SERPINI1: variants seen among roughly 807,000 people sequenced by gnomAD.
The protein encoded by SERPINI1 is serpin family I member 1.
Under a neutral mutation model 41.1 loss-of-function variants are expected in SERPINI1, and 19 were observed. That is an observed-to-expected ratio of 0.46 (90% CI 0.32 to 0.68). The LOEUF (loss-of-function observed/expected upper bound fraction) is 0.68. SERPINI1 is among the 30% of genes least tolerant of loss of function. The pLI is 0.03. For missense variants in SERPINI1, 460 were observed against 479.2 expected (o/e 0.96, Z 0.37); for synonymous variants, 138 against 156.6 (o/e 0.88, Z 0.89).
At chr3:167,795,297 A>G (rs1396654424) in intron 5 of SERPINI1, among the ~76,000 whole-genome samples, 1 of 152,166 alleles carries the variant, frequency 6.6e-6, no homozygotes, top group Non-Finnish European at 1.5e-5. Flanking sequence ...TGCAACCATA[A>G]ATTAGCAGGA....
chr3:167,770,355 C>T (rs1726709347), intron 1 of SERPINI1, among the ~76,000 whole-genome samples: 1 of 151,830 alleles, frequency 6.6e-6, no homozygotes, highest in African/African-American at 2.4e-5. Flanking sequence ...TATTGTTCTC[C>T]CAACACAAGT....
chr3:167,813,634 C>G (rs1405692421), intron 6 of SERPINI1, among the ~76,000 whole-genome samples: 1 of 152,152 alleles, frequency 6.6e-6, no homozygotes, highest in African/African-American at 2.4e-5. Flanking sequence ...TTTACTTTTC[C>G]TTATGTGGAA....
chr3:167,805,140 G>A (rs922265859), intron 5 of SERPINI1, among the ~76,000 whole-genome samples: 7 of 151,616 alleles, frequency 4.6e-5, no homozygotes, highest in Non-Finnish European at 8.8e-5. Context: ...AAACTCTTAA[G>A]TGTACTAATT....
At chr3:167,741,554 G>T (rs532874465) in intron 1 of SERPINI1, among the ~76,000 whole-genome samples, 1 of 152,340 alleles carries the variant, frequency 6.6e-6, no homozygotes, top group East Asian at 1.9e-4. Flanking sequence ...CTAACTTGAA[G>T]AGCTAGCTAA....
At chr3:167,757,003 TA>T (rs760126197) in intron 1 of SERPINI1, among the ~76,000 whole-genome samples, 14 of 152,226 alleles carry the variant, frequency 9.2e-5, no homozygotes, top group Non-Finnish European at 1.9e-4. Context: ...CAGTGAGTAA[TA>T]AAACAGCTAC....
intron 1 of SERPINI1, among the ~76,000 whole-genome samples, chr3:167,783,888 T>G (rs1398897127): frequency 6.6e-6 from 1 of 152,188 alleles, no homozygotes; most frequent in Admixed American, 6.5e-5. Flanking sequence ...CAGAGTTCTT[T>G]CAGCTCTCTG....
intron 1 of SERPINI1, among the ~76,000 whole-genome samples, chr3:167,738,316 A>G (rs1291130582): frequency 1.3e-5 from 2 of 152,164 alleles, no homozygotes; most frequent in Admixed American, 1.3e-4. Context: ...GGTTAATTTC[A>G]AATTACCATA....
intron 1 of SERPINI1, among the ~76,000 whole-genome samples, chr3:167,784,640 G>A (rs1255568067): frequency 1.3e-5 from 2 of 152,186 alleles, no homozygotes; most frequent in Non-Finnish European, 1.5e-5. Context: ...TGGAGAGAGT[G>A]CAAGCATGGG....
At position 167,794,621 on chromosome 3, in the gene SERPINI1, G is replaced by A. The variant is rs1727652572; in HGVS notation, c.678G>A (p.Gly226=). 1.9e-6 allele frequency: 3 copies of A among 1,612,818 alleles called. No individual in the cohort carries two copies. In the East Asian group the frequency reaches 6.7e-5, roughly 36 times the overall value. Residue 226 remains glycine, a splice_region_variant and synonymous_variant, in exon 5 of 9, where the codon GGG becomes GGA. Coordinates refer to ENST00000446050, the MANE Select transcript of SERPINI1 (RefSeq NM_001122752.2). The part of the protein sequence containing the change: ...MMYQQGEFYY[G]EFSDGSNEAG... ...TTATGGCCTTTATTTTCTTTTTAGGGGAATTTAGTGATGGCTCCAATGAAG... is the reference window on the plus strand; with the variant it reads ...TTATGGCCTTTATTTTCTTTTTAGGAGAATTTAGTGATGGCTCCAATGAAG...
At chr3:167,809,904 A>C (rs1711806735) in intron 6 of SERPINI1, among the ~76,000 whole-genome samples, 1 of 152,148 alleles carries the variant, frequency 6.6e-6, no homozygotes, top group Admixed American at 6.6e-5. Flanking sequence ...CACCCCATTC[A>C]GGTTTTCAAG....
At chr3:167,786,313 GC>G (rs1323688949) in intron 1 of SERPINI1, among the ~76,000 whole-genome samples, 1 of 151,874 alleles carries the variant, frequency 6.6e-6, no homozygotes, top group African/African-American at 2.4e-5. Context: ...GACCAGTCTG[GC>G]CAACATGGTG....
chr3:167,801,621 A>G (rs1166083386), intron 5 of SERPINI1, among the ~76,000 whole-genome samples: 1 of 152,056 alleles, frequency 6.6e-6, no homozygotes, highest in African/African-American at 2.4e-5. Flanking sequence ...CACTTATCTC[A>G]TAGGGTTGTT....
chr3:167,803,069 T>C (rs1395672587), intron 5 of SERPINI1, among the ~76,000 whole-genome samples: 2 of 151,766 alleles, frequency 1.3e-5, no homozygotes, highest in Non-Finnish European at 2.9e-5. Context: ...TAGGTGGGAA[T>C]TGAACAATGA....
chr3:167,754,169 A>C (rs1726128357), intron 1 of SERPINI1, among the ~76,000 whole-genome samples: 1 of 152,182 alleles, frequency 6.6e-6, no homozygotes, highest in Admixed American at 6.5e-5. Context: ...TATACTGGTT[A>C]ATTAGGCATG....
intron 1 of SERPINI1, among the ~76,000 whole-genome samples, chr3:167,738,294 G>T (rs1391831520): frequency 6.6e-6 from 1 of 152,116 alleles, no homozygotes; most frequent in Admixed American, 6.5e-5. Flanking sequence ...TTGTTCTTTA[G>T]CCAAAAACCT....
At chr3:167,793,856 G>GTA (rs1727622763) in intron 4 of SERPINI1, among the ~76,000 whole-genome samples, 1 of 151,322 alleles carries the variant, frequency 6.6e-6, no homozygotes, top group African/African-American at 2.4e-5. Context: ...GTGTGTGTGT[G>GTA]TGTGTGTGTG....
intron 5 of SERPINI1, among the ~76,000 whole-genome samples, chr3:167,802,438 C>A (rs1727930517): frequency 6.7e-6 from 1 of 149,626 alleles, no homozygotes; most frequent in Non-Finnish European, 1.5e-5. Flanking sequence ...AAGAAAAAAA[C>A]AAACAACCCC....
chr3:167,805,783 T>G (rs985074906), intron 5 of SERPINI1, among the ~76,000 whole-genome samples: 1 of 152,200 alleles, frequency 6.6e-6, no homozygotes, highest in African/African-American at 2.4e-5. Context: ...CGCAGCACCA[T>G]TTATTAAATA....
intron 1 of SERPINI1, among the ~76,000 whole-genome samples, chr3:167,777,829 A>G (rs1727007718): frequency 6.6e-6 from 1 of 152,356 alleles, no homozygotes; most frequent in African/African-American, 2.4e-5. Context: ...TTGCCACTGT[A>G]ACAATGTTAA....
Sources: gnomAD v4.1 joint callset for allele counts (sites outside exome capture counted in the v4.1 genomes callset) on GRCh38, gnomAD v4.1.1 for gene constraint, MANE v1.5 for transcripts, NCBI Gene and HGNC (gene_info 2026-07-23, HGNC 2026-07-21) for gene names.